GSK3B: variants seen among roughly 807,000 people sequenced by gnomAD.
The protein encoded by GSK3B is glycogen synthase kinase 3 beta, also known as glycogen synthase kinase-3 beta.
In GSK3B, 15 loss-of-function variants were observed where a neutral mutation model predicts 56.4. The ratio of observed to expected loss-of-function variants is 0.27; its 90% confidence interval spans 0.18 to 0.41. GSK3B has a LOEUF of 0.41. GSK3B is among the 10% of genes least tolerant of loss of function. The probability of loss-of-function intolerance (pLI) is 1.00; values close to 1 mark genes in which losing one functional copy is unlikely to be tolerated. For synonymous variants in GSK3B, 181 were observed against 188.9 expected, an observed-to-expected ratio of 0.96 and a Z score of 0.34; for missense variants, 300 against 513.4, an observed-to-expected ratio of 0.58 and a Z score of 4.02.
intron 7 of GSK3B, among the ~76,000 whole-genome samples, chr3:119,888,566 T>C (rs998689724): frequency 1.3e-5 from 2 of 152,060 alleles, no homozygotes; most frequent in Non-Finnish European, 2.9e-5. Flanking sequence ...ACTGTACAAA[T>C]TGACTGTAAA....
At chr3:119,847,949 G>C (rs775991882) in intron 9 of GSK3B, among the ~76,000 whole-genome samples, 5 of 151,862 alleles carry the variant, frequency 3.3e-5, no homozygotes, top group Non-Finnish European at 7.4e-5. Flanking sequence ...GACTTATCTA[G>C]ACACTAGTGG....
intron 5 of GSK3B, among the ~76,000 whole-genome samples, chr3:119,914,952 A>G (rs1237998401): frequency 1.3e-5 from 2 of 152,104 alleles, no homozygotes; most frequent in African/African-American, 4.8e-5. Flanking sequence ...TGAAAAAATT[A>G]AATTGGAGAG....
intron 2 of GSK3B, among the ~76,000 whole-genome samples, chr3:119,981,697 G>A (rs758855569): frequency 6.6e-5 from 10 of 152,230 alleles, no homozygotes; most frequent in Admixed American, 5.9e-4. Context: ...CGGGAAGCTC[G>A]AACTGGGCAG....
In GSK3B at chr3:119,948,520, G is replaced by A. The variant is rs954506705; in HGVS notation, c.283-1169C>T. Among the ~76,000 whole-genome samples the A allele has an allele frequency of 5.9e-5, 9 of 152,124 alleles. No homozygotes were observed. The East Asian group carries it at 9.6e-4, about 16-fold the overall frequency. On this transcript the variant is annotated intron_variant, in intron 2 of 10. Transcript: ENST00000264235. Reference sequence around the variant, plus strand: ...TAAAAGTAACGGAAACAGAAAGTCCGAAAGTAAACAGAAAATAAGTCAGAA... The same window carrying A: ...TAAAAGTAACGGAAACAGAAAGTCCAAAAGTAAACAGAAAATAAGTCAGAA...
chr3:120,089,876 T>C (rs2058496469), intron 1 of GSK3B, among the ~76,000 whole-genome samples: 1 of 152,164 alleles, frequency 6.6e-6, no homozygotes, highest in South Asian at 2.1e-4. Context: ...GGTTTCACTA[T>C]AGCAAGTAAA....
intron 10 of GSK3B, among the ~76,000 whole-genome samples, chr3:119,834,182 G>A (rs533397957): frequency 1.1e-4 from 17 of 152,184 alleles, no homozygotes; most frequent in African/African-American, 3.9e-4. Context: ...TTTATACTGT[G>A]TACCTAACTC....
chr3:119,901,471 T>G (rs899537440), intron 7 of GSK3B, among the ~76,000 whole-genome samples: 3 of 152,210 alleles, frequency 2.0e-5, no homozygotes, highest in Non-Finnish European at 4.4e-5. Context: ...CTAAAGATAA[T>G]GTATTTGGAT....
intron 9 of GSK3B, among the ~76,000 whole-genome samples, chr3:119,851,135 A>C (rs1577315064): frequency 6.6e-6 from 1 of 152,250 alleles, no homozygotes; most frequent in African/African-American, 2.4e-5. Context: ...TATGTGTTCC[A>C]TAATTAAACA....
chr3:119,998,181 T>G (rs965445933), intron 2 of GSK3B, among the ~76,000 whole-genome samples: 1 of 152,212 alleles, frequency 6.6e-6, no homozygotes, highest in Non-Finnish European at 1.5e-5. Flanking sequence ...TGGCCCTAAA[T>G]GATACCTGCC....
chr3:119,887,971 T>C lies in GSK3B; in HGVS notation c.814-11463A>G, dbSNP rs370618529. 8.5e-4 allele frequency among the ~76,000 whole-genome samples: 129 copies of C among 152,164 alleles called. 1 individual carries two copies. The highest frequency in any genetic ancestry group is 2.7e-3 in the African/African-American group (114 of 41,536). On this transcript the variant is annotated intron_variant, in intron 7 of 10. Transcript: ENST00000264235. ...CAAAAACTGAAGGAAAAATAAACCC[T>C]GGAAACCAAGGGAAACCAATTTCTG...
At chr3:119,846,135 T>C (rs570672296) in intron 9 of GSK3B, among the ~76,000 whole-genome samples, 11 of 152,276 alleles carry the variant, frequency 7.2e-5, no homozygotes, top group African/African-American at 2.4e-4. Context: ...TTATACCTTA[T>C]ACAAAAATTA....
At chr3:119,953,466 TTAAAAG>T (rs1192441521) in intron 2 of GSK3B, among the ~76,000 whole-genome samples, 3 of 151,550 alleles carry the variant, frequency 2.0e-5, no homozygotes, top group Admixed American at 1.3e-4. Context: ...CACAAACAAC[TTAAAAG>T]TAAAAGGATG....
At position 120,036,387 on chromosome 3, in the gene GSK3B, C is replaced by A. The variant is rs1273880006; in HGVS notation, c.89-34148G>T. Among the ~76,000 whole-genome samples, 4 of 152,150 alleles carry A rather than the reference C, an allele frequency of 2.6e-5. No homozygotes were observed. The South Asian group carries it at 6.2e-4, about 24-fold the overall frequency. On this transcript the variant is annotated intron_variant, in intron 1 of 10. Transcript: ENST00000264235. ...TTTATGTTGTTAAACTAATTCTGAT[C>A]ATCAGTTTTGTTGTTGCAATACCCC... is the stretch of plus-strand genomic sequence containing the variant.
chr3:120,014,059 C>T (rs1263566375), intron 1 of GSK3B, among the ~76,000 whole-genome samples: 4 of 148,284 alleles, frequency 2.7e-5, no homozygotes, highest in East Asian at 2.0e-4. Flanking sequence ...TGCTTGAACC[C>T]GGGAGGCGGA....
chr3:119,891,044 T>C (rs1382347121), intron 7 of GSK3B, among the ~76,000 whole-genome samples: 1 of 151,794 alleles, frequency 6.6e-6, no homozygotes, highest in Non-Finnish European at 1.5e-5. Flanking sequence ...TGTACGTAAA[T>C]CAACAACAAT....
At chr3:119,833,483 CTATT>C (rs1331701493) in intron 10 of GSK3B, among the ~76,000 whole-genome samples, 15 of 152,186 alleles carry the variant, frequency 9.9e-5, no homozygotes, top group Admixed American at 7.2e-4. Flanking sequence ...CTACATAAGG[CTATT>C]TATTTAAAGT....
At chr3:119,903,934 T>C (rs937159412) in intron 7 of GSK3B, among the ~76,000 whole-genome samples, 1 of 152,148 alleles carries the variant, frequency 6.6e-6, no homozygotes, top group Non-Finnish European at 1.5e-5. Context: ...CTACAGCCCA[T>C]TGTCTGTGTG....
intron 10 of GSK3B, among the ~76,000 whole-genome samples, chr3:119,838,103 C>A: frequency 6.6e-6 from 1 of 151,508 alleles, no homozygotes; most frequent in African/African-American, 2.4e-5. Flanking sequence ...GCCTGGCCAA[C>A]AAAGTGAAAC....
At chr3:120,044,580 G>A (rs1420828299) in intron 1 of GSK3B, among the ~76,000 whole-genome samples, 2 of 152,176 alleles carry the variant, frequency 1.3e-5, no homozygotes, top group East Asian at 1.9e-4. Context: ...CTCACAGGGA[G>A]TACCTGATAA....
Sources: allele counts gnomAD v4.1 joint callset (sites outside exome capture counted in the v4.1 genomes callset), GRCh38; gene constraint gnomAD v4.1.1; transcripts MANE v1.5; gene names NCBI Gene and HGNC (gene_info 2026-07-23, HGNC 2026-07-21).